The following PRKCB variants were observed in gnomAD, a reference collection of about 807,000 sequenced individuals.
The protein encoded by PRKCB is protein kinase C beta type.
A neutral mutation model predicts 81.5 loss-of-function variants in PRKCB; 13 were observed. The observed-to-expected ratio is 0.16, with a 90% CI of 0.10 to 0.25. PRKCB has a LOEUF of 0.25. PRKCB is among the 10% of genes least tolerant of loss of function. PRKCB has a pLI of 1.00. For synonymous variants in PRKCB, 335 were observed against 321.4 expected (o/e 1.04, Z -0.45); for missense variants, 509 against 875.7 (o/e 0.58, Z 5.29).
At chr16:24,138,308 G>A (rs1250127990) in intron 9 of PRKCB, among the ~76,000 whole-genome samples, 1 of 152,224 alleles carries the variant, frequency 6.6e-6, no homozygotes, top group Non-Finnish European at 1.5e-5. Context: ...TTACAAGGCA[G>A]ATCAGATTAT....
chr16:24,054,365 A>G (rs1363805533), intron 5 of PRKCB, among the ~76,000 whole-genome samples: 1 of 152,210 alleles, frequency 6.6e-6, no homozygotes, highest in Non-Finnish European at 1.5e-5. Context: ...GCATTTTTAT[A>G]TGCATGATAT....
intron 5 of PRKCB, among the ~76,000 whole-genome samples, chr16:24,064,717 A>T (rs1403879552): frequency 6.6e-6 from 1 of 151,822 alleles, no homozygotes; most frequent in African/African-American, 2.4e-5. Context: ...TTTCAGTTTT[A>T]TCAATTTTTG....
intron 4 of PRKCB, among the ~76,000 whole-genome samples, chr16:24,033,518 T>C (rs1169364164): frequency 6.6e-6 from 1 of 151,832 alleles, no homozygotes; most frequent in Non-Finnish European, 1.5e-5. Flanking sequence ...TCCCAACACT[T>C]TGGGAGGCTG....
chr16:23,930,011 A>G (rs566306933), intron 2 of PRKCB, among the ~76,000 whole-genome samples: 5 of 152,142 alleles, frequency 3.3e-5, no homozygotes, highest in South Asian at 2.1e-4. Context: ...ACCATCTGCT[A>G]TGGTCGAAAT....
chr16:24,210,218 C>T (rs1968118585), intron 16 of PRKCB, among the ~76,000 whole-genome samples: 1 of 152,174 alleles, frequency 6.6e-6, no homozygotes, highest in Non-Finnish European at 1.5e-5. Flanking sequence ...AATCCACTGT[C>T]CTTACATGGC....
intron 2 of PRKCB, among the ~76,000 whole-genome samples, chr16:23,975,396 T>C (rs1029998196): frequency 2.6e-5 from 4 of 152,094 alleles, no homozygotes; most frequent in Non-Finnish European, 4.4e-5. Flanking sequence ...TGGCCTCTGC[T>C]TTACCAGCAA....
intron 2 of PRKCB, among the ~76,000 whole-genome samples, chr16:23,931,152 T>C (rs1963968324): frequency 6.6e-6 from 1 of 152,228 alleles, no homozygotes; most frequent in Non-Finnish European, 1.5e-5. Flanking sequence ...GACCTTACTG[T>C]CCAGCTTTTT....
At chr16:24,045,067 A>G (rs774260207) in intron 5 of PRKCB, among the ~76,000 whole-genome samples, 1 of 152,184 alleles carries the variant, frequency 6.6e-6, no homozygotes, top group Non-Finnish European at 1.5e-5. Flanking sequence ...TGTAGTTTTC[A>G]TTACGTTTCA....
At chr16:24,109,108 G>A (rs1181844050) in intron 7 of PRKCB, among the ~76,000 whole-genome samples, 2 of 146,342 alleles carry the variant, frequency 1.4e-5, no homozygotes, top group African/African-American at 5.1e-5. Flanking sequence ...GGGGCGGCCG[G>A]GCAGAGGCGC....
At chr16:24,214,448 C>T (rs76960988) in intron 16 of PRKCB, among the ~76,000 whole-genome samples, 2,170 of 152,146 alleles carry the variant, frequency 0.014, 61 homozygotes, top group African/African-American at 0.05. Flanking sequence ...AACTGAAGGT[C>T]GGGAACCCAA....
chr16:24,039,386 G>A (rs1341231064), intron 5 of PRKCB, among the ~76,000 whole-genome samples: 1 of 148,360 alleles, frequency 6.7e-6, no homozygotes, highest in Non-Finnish European at 1.5e-5. Context: ...GTGCCACCAT[G>A]CCCAGCTGAT....
At chr16:23,990,201 G>A (rs1207237003) in intron 3 of PRKCB, among the ~76,000 whole-genome samples, 1 of 152,152 alleles carries the variant, frequency 6.6e-6, no homozygotes, top group Non-Finnish European at 1.5e-5. Flanking sequence ...GCTCACGCCT[G>A]TAATCCCAGC....
chr16:23,933,643 T>A (rs1964009484), intron 2 of PRKCB, among the ~76,000 whole-genome samples: 1 of 149,436 alleles, frequency 6.7e-6, no homozygotes, highest in Non-Finnish European at 1.5e-5. Context: ...CATCCATCCA[T>A]CCATCCATCC....
At chr16:23,925,645 A>G (rs1963887112) in intron 2 of PRKCB, among the ~76,000 whole-genome samples, 1 of 152,110 alleles carries the variant, frequency 6.6e-6, no homozygotes, top group Non-Finnish European at 1.5e-5. Context: ...TTTTACTTGT[A>G]TAAATTGAGA....
chr16:23,887,284 A>T (rs933290), intron 2 of PRKCB, among the ~76,000 whole-genome samples: 146,689 of 152,314 alleles, frequency 0.96, 70,678 homozygotes, highest in East Asian at 1. Flanking sequence ...GGTTTAGGCA[A>T]TGAACTTGTT....
chr16:24,059,444 G>A lies in PRKCB; in HGVS notation c.529+23897G>A, dbSNP rs117490983. On this transcript the variant is annotated intron_variant, in intron 5 of 16. Coordinates refer to ENST00000643927, the MANE Select transcript of PRKCB (RefSeq NM_002738.7). ...AGTCTGAGGCAGAAGGATCGCTTGA[G>A]CCCAGGAGTTCAAGACCATCCTGGA... 4.8e-3 allele frequency among the ~76,000 whole-genome samples: 723 copies of A among 152,110 alleles called. 19 individuals carry two copies. In the East Asian group the frequency reaches 0.081, roughly 17 times the overall value.
chr16:23,902,989 CTTTT>C (rs71988386), intron 2 of PRKCB, among the ~76,000 whole-genome samples: 159 of 139,040 alleles, frequency 1.1e-3, no homozygotes, highest in Non-Finnish European at 1.7e-3. Flanking sequence ...TTTTTCTTTT[CTTTT>C]TTTTTTTTTT....
rs1968284963 is a variant in PRKCB, at chr16:24,219,380, C to G, written c.*4564C>G. 1.0e-6 allele frequency: 1 copy of G among 985,036 alleles called. No individual in the cohort carries two copies. The highest frequency in any genetic ancestry group is 6.2e-5 in the Admixed American group (1 of 16,252). The allele number at this position is 985,036 out of a possible 1,614,324, so 61.0% of individuals were successfully genotyped here. A position where few individuals can be genotyped will look rare whatever the true frequency, so the allele number is the denominator to read the frequency against. ...GAGAGAACTTCTGCCTGATAAACAC[C>G]CAATTCTAGACTGTGGGTGGATTTT... On this transcript the variant is annotated 3_prime_UTR_variant, in exon 17 of 17. Transcript: ENST00000643927.
In PRKCB at chr16:24,219,177, C is replaced by T; in HGVS notation, c.*4361C>T. On this transcript the variant is annotated 3_prime_UTR_variant, in exon 17 of 17. Coordinates refer to ENST00000643927, the MANE Select transcript of PRKCB (RefSeq NM_002738.7). ...GCTAGTAAATGGGGGTTAATTTCTTCTCCACCTCCCTACTGAACAAAAAAA... is the reference window on the plus strand; with the variant it reads ...GCTAGTAAATGGGGGTTAATTTCTTTTCCACCTCCCTACTGAACAAAAAAA... 2.0e-6 allele frequency: 2 copies of T among 981,824 alleles called. No homozygotes were observed. Among genetic ancestry groups the T allele is most frequent in the Non-Finnish European group, 2.4e-6 (2 of 827,800 alleles). 60.8% of individuals were successfully genotyped at this position (981,824 alleles called of 1,614,324 possible).
Sources: allele counts gnomAD v4.1 joint callset (sites outside exome capture counted in the v4.1 genomes callset), GRCh38; gene constraint gnomAD v4.1.1; transcripts MANE v1.5; gene names NCBI Gene and HGNC (gene_info 2026-07-23, HGNC 2026-07-21).